Variants in CPXM2 observed in about 807,000 individuals in gnomAD.
The protein encoded by CPXM2 is carboxypeptidase X, M14 family member 2, also known as inactive carboxypeptidase-like protein X2.
CPXM2 carries 66 observed loss-of-function variants against 86.1 expected under a neutral mutation model. That is an observed-to-expected ratio of 0.77 (90% CI 0.63 to 0.94). The LOEUF is 0.94. Ranked by LOEUF, CPXM2 falls within the 40% of genes least tolerant of loss-of-function variation. The probability of loss-of-function intolerance (pLI) is 0.00; values close to 1 mark genes in which losing one functional copy is unlikely to be tolerated. For synonymous variants in CPXM2, 388 were observed against 400.2 expected (o/e 0.97, Z 0.36); for missense variants, 948 against 1,026.3 (o/e 0.92, Z 1.04).
chr10:123,878,296 C>CTTTT (rs72163200), intron 2 of CPXM2, among the ~76,000 whole-genome samples: 4 of 122,834 alleles, frequency 3.3e-5, no homozygotes, highest in East Asian at 3.0e-4. Context: ...TTTTTTCTCT[C>CTTTT]TTTTTTTTTT....
intron 2 of CPXM2, among the ~76,000 whole-genome samples, chr10:123,863,890 C>CG: frequency 6.6e-6 from 1 of 152,296 alleles, no homozygotes; most frequent in East Asian, 1.9e-4. Context: ...GGATGCCATT[C>CG]GCCTCTTGGA....
chr10:123,895,121 C>CTTTTTTTTTTTTTTTTTTTTTTTTTT (rs869104432), upstream of CPXM2, among the ~76,000 whole-genome samples: 1 of 85,892 alleles, frequency 1.2e-5, no homozygotes, highest in Admixed American at 1.8e-4. Flanking sequence ...TCTTTTTTTT[C>CTTTTTTTTTTTTTTTTTTTTTTTTTT]TTTTTTTTTT....
chr10:123,892,239 T>C (rs923858572), upstream of CPXM2, among the ~76,000 whole-genome samples: 1 of 152,146 alleles, frequency 6.6e-6, no homozygotes, highest in South Asian at 2.1e-4. Context: ...ATGCTACTGT[T>C]TCAGGAACTG....
chr10:123,842,154 C>T (rs1848399990), intron 4 of CPXM2, among the ~76,000 whole-genome samples, 195 bp downstream of exon 4: 1 of 152,234 alleles, frequency 6.6e-6, no homozygotes, highest in Admixed American at 6.5e-5. Flanking sequence ...GGGAGGGTGT[C>T]GTTCTGAAAC....
chr10:123,842,622 A>T, intron 3 of CPXM2, 134 bp from the exon 4 acceptor site: 1 of 842,474 alleles, frequency 1.2e-6, no homozygotes, highest in East Asian at 2.7e-5. Context: ...AGAAAAAAAT[A>T]ATTGTGCCCT....
At chr10:123,822,617 A>G (rs1847951715) in intron 4 of CPXM2, among the ~76,000 whole-genome samples, 1 of 152,138 alleles carries the variant, frequency 6.6e-6, no homozygotes, top group Non-Finnish European at 1.5e-5. Flanking sequence ...AGATGAACTA[A>G]CTAGGTGAGG....
At chr10:123,906,190 G>A (rs917364641) in intron 2 of CPXM2, among the ~76,000 whole-genome samples, 5 of 152,186 alleles carry the variant, frequency 3.3e-5, no homozygotes, top group African/African-American at 1.2e-4. Context: ...TCAGAAATGT[G>A]ACCGAAGGGC....
chr10:123,788,488 T>C (rs1040078891), intron 6 of CPXM2, among the ~76,000 whole-genome samples: 3 of 152,036 alleles, frequency 2.0e-5, no homozygotes, highest in Admixed American at 6.5e-5. Flanking sequence ...GTGCCAGCAG[T>C]CACCAGCCCA....
At chr10:123,901,699 G>A (rs1945382919) in intron 2 of CPXM2, among the ~76,000 whole-genome samples, 2 of 152,106 alleles carry the variant, frequency 1.3e-5, no homozygotes, top group South Asian at 4.1e-4. Context: ...GCTGAGTAGA[G>A]AGGTCACACA....
intron 6 of CPXM2, among the ~76,000 whole-genome samples, chr10:123,790,995 G>A (rs930914113): frequency 1.3e-5 from 2 of 152,148 alleles, no homozygotes; most frequent in African/African-American, 4.8e-5. Flanking sequence ...TGGAAGGTAC[G>A]GTGGGAGACA....
chr10:123,873,484 A>G (rs149678475), intron 2 of CPXM2, among the ~76,000 whole-genome samples: 1 of 152,272 alleles, frequency 6.6e-6, no homozygotes, highest in East Asian at 1.9e-4. Context: ...AATTCCAAGA[A>G]CTTGACTTGA....
At chr10:123,867,410 A>G (rs1590083032) in intron 2 of CPXM2, among the ~76,000 whole-genome samples, 1 of 152,296 alleles carries the variant, frequency 6.6e-6, no homozygotes, top group Non-Finnish European at 1.5e-5. Context: ...TTCGAAATAC[A>G]TAATATTGAA....
intron 8 of CPXM2, among the ~76,000 whole-genome samples, 153 bp from the exon 9 acceptor site, chr10:123,768,875 TC>T (rs1846559410): frequency 6.6e-6 from 1 of 152,216 alleles, no homozygotes; most frequent in South Asian, 2.1e-4. Flanking sequence ...TAAAATGACA[TC>T]AGGACAACTG....
chr10:123,784,935 G>A (rs776639816), intron 6 of CPXM2, among the ~76,000 whole-genome samples: 37 of 152,318 alleles, frequency 2.4e-4, no homozygotes, highest in South Asian at 1.2e-3. Context: ...AGCTATGACA[G>A]GAAATATCCT....
At chr10:123,808,352 C>CAAACAA (rs1271898994) in intron 4 of CPXM2, among the ~76,000 whole-genome samples, 1 of 140,344 alleles carries the variant, frequency 7.1e-6, no homozygotes, top group African/African-American at 3.0e-5. Context: ...TCCAATTGGG[C>CAAACAA]AAACAAAAAC....
At chr10:123,940,543 G>A (rs1182860130), upstream of CPXM2, among the ~76,000 whole-genome samples, 1 of 152,096 alleles carries the variant, frequency 6.6e-6, no homozygotes, top group Non-Finnish European at 1.5e-5. Flanking sequence ...TCTGTGTGTG[G>A]GCCTTGGCTC....
At chr10:123,910,465 G>A (rs995982219) in intron 2 of CPXM2, among the ~76,000 whole-genome samples, 1 of 152,116 alleles carries the variant, frequency 6.6e-6, no homozygotes, top group Non-Finnish European at 1.5e-5. Flanking sequence ...CCCGGCCCCT[G>A]TTGCAGTTCC....
At chr10:123,771,207 A>G (rs779080927) in intron 7 of CPXM2, among the ~76,000 whole-genome samples, 168 bp from the exon 8 acceptor site, 1 of 151,930 alleles carries the variant, frequency 6.6e-6, no homozygotes, top group Non-Finnish European at 1.5e-5. Context: ...CTCTCCTTAC[A>G]TCCCTCTGCC....
intron 2 of CPXM2, among the ~76,000 whole-genome samples, chr10:123,913,056 T>C (rs1262310679): frequency 4.6e-5 from 7 of 152,226 alleles, no homozygotes; most frequent in South Asian, 4.1e-4. Context: ...TAAATCTGCA[T>C]AGTAGCTCTT....
Sources: gnomAD v4.1 joint callset for allele counts (sites outside exome capture counted in the v4.1 genomes callset) on GRCh38, gnomAD v4.1.1 for gene constraint, MANE v1.5 for transcripts, NCBI Gene and HGNC (gene_info 2026-07-23, HGNC 2026-07-21) for gene names.